The following INPP4A variants were observed in gnomAD, a reference collection of about 807,000 sequenced individuals.
INPP4A encodes the protein inositol polyphosphate-4-phosphatase, type I, 107kD.
In INPP4A, 33 loss-of-function variants were observed where a neutral mutation model predicts 119.8. The ratio of observed to expected loss-of-function variants is 0.28; its 90% CI spans 0.21 to 0.37. The LOEUF (loss-of-function observed/expected upper bound fraction) is 0.37, where lower values mean the gene tolerates loss of function less well. INPP4A is among the 10% of genes least tolerant of loss of function. The pLI is 1.00. For missense variants in INPP4A, 956 were observed against 1,289.9 expected (o/e 0.74, Z 3.97); for synonymous variants, 496 against 500.7 (o/e 0.99, Z 0.12).
intron 23 of INPP4A, among the ~76,000 whole-genome samples, chr2:98,573,136 T>G (rs1306547676): frequency 6.6e-6 from 1 of 152,156 alleles, no homozygotes; most frequent in Non-Finnish European, 1.5e-5. Flanking sequence ...CTGATAAGCT[T>G]AACACAGTCC....
At chr2:98,462,853 T>C (rs1160749241) in intron 1 of INPP4A, among the ~76,000 whole-genome samples, 1 of 152,138 alleles carries the variant, frequency 6.6e-6, no homozygotes, top group Non-Finnish European at 1.5e-5. Context: ...TATTTATTTT[T>C]AATTTTTAAT....
At chr2:98,583,292 G>A (rs1425891802) in intron 24 of INPP4A, among the ~76,000 whole-genome samples, 1 of 151,510 alleles carries the variant, frequency 6.6e-6, no homozygotes, top group Admixed American at 6.6e-5. Context: ...AATCAAATAT[G>A]ATTGATAATG....
intron 24 of INPP4A, among the ~76,000 whole-genome samples, chr2:98,578,807 C>T (rs531394930): frequency 2.0e-5 from 3 of 152,300 alleles, no homozygotes; most frequent in Non-Finnish European, 4.4e-5. Context: ...TCCTCAGAAC[C>T]CTCCCACAAA....
rs752859548 is a variant in INPP4A, at chr2:98,563,615, G to A, written c.2006G>A (p.Arg669His). Residue 669 changes from arginine (R) to histidine (H), a missense_variant, in exon 18 of 25, where the codon CGT becomes CAT. Physicochemically the swap from Arg to His is conservative, Grantham distance 29 (BLOSUM62 0). Coordinates refer to ENST00000409851, the MANE Select transcript of INPP4A (RefSeq NM_001134225.2). ...ACCTACCTGAGCCTGCAGTACCGCC[G>A]TGACGTGGTCTTCTGCCAGACGGTA... ...IATYLSLQYR[R>H]DVVFCQTLTA... The A allele has an allele frequency of 1.7e-5, 28 of 1,612,848 alleles. No homozygotes were observed. Among genetic ancestry groups the A allele is most frequent in the African/African-American group, 4.0e-5 (3 of 74,908 alleles).
rs115761355 is a variant in INPP4A at position 98,569,304 on chromosome 2, G to C, written c.2518+636G>C. On this transcript the variant is annotated intron_variant, in intron 22 of 24. Coordinates refer to ENST00000409851, the MANE Select transcript of INPP4A (RefSeq NM_001134225.2). This position sits in a 1 kb window ranked among gnomAD's most constrained non-coding sequence, Gnocchi z 5.1. The stretch of plus-strand genomic sequence containing the variant: ...CTGTGTGTAAAGTGCTAGAGGATCC[G>C]ATGGCGAATGAGGGGTGGACCCTAC... 1 of 152,336 alleles carries C rather than the reference G, an allele frequency of 6.6e-6. No individual in the cohort carries two copies. Among genetic ancestry groups the C allele is most frequent in the Non-Finnish European group, 1.5e-5 (1 of 68,136 alleles). 9.4% of individuals were successfully genotyped at this position (152,336 alleles called of 1,614,324 possible).
intron 1 of INPP4A, among the ~76,000 whole-genome samples, chr2:98,474,306 C>T (rs1676762014): frequency 6.6e-6 from 1 of 152,148 alleles, no homozygotes; most frequent in Non-Finnish European, 1.5e-5. Context: ...CTTGGTGAGG[C>T]CCAAGAGTGG....
chr2:98,566,761 GTGTGCCTGTGTGCGCACA>G lies in INPP4A; in HGVS notation c.2420+597_2420+614del, dbSNP rs1322306194. ...GAGTTGTGTGTGCCTGTGTGTGCAC[GTGTGCCTGTGTGCGCACA>G]TGTGTGTGAGGAGATAGGGTAGATT... On this transcript the variant is annotated intron_variant, in intron 21 of 24. Transcript: ENST00000409851. The surrounding 1 kb of genome is among the most constrained non-coding windows in gnomAD (Gnocchi z 4.2). Among the ~76,000 whole-genome samples, 1 of 152,094 alleles carries G rather than the reference GTGTGCCTGTGTGCGCACA, an allele frequency of 6.6e-6. No individual in the cohort carries two copies. The highest frequency in any genetic ancestry group is 1.5e-5 in the Non-Finnish European group (1 of 68,010).
intron 1 of INPP4A, among the ~76,000 whole-genome samples, chr2:98,464,969 G>A (rs992756993): frequency 2.0e-5 from 3 of 152,218 alleles, no homozygotes; most frequent in Non-Finnish European, 4.4e-5. Flanking sequence ...CACAGCTTTT[G>A]AGGATGGGTT....
chr2:98,503,273 A>G (rs1478190013), intron 1 of INPP4A, among the ~76,000 whole-genome samples: 1 of 152,168 alleles, frequency 6.6e-6, no homozygotes, highest in Non-Finnish European at 1.5e-5. Context: ...GATTGGTTTG[A>G]ACAATTGAGA....
chr2:98,553,009 C>T (rs1343040386), intron 14 of INPP4A, 40 bp downstream of exon 14: 2 of 1,538,118 alleles, frequency 1.3e-6, no homozygotes, highest in South Asian at 1.2e-5. Flanking sequence ...TGGGGAGTTT[C>T]CTTGGGTTTC....
intron 1 of INPP4A, among the ~76,000 whole-genome samples, chr2:98,477,302 C>G (rs1307650621): frequency 6.6e-6 from 1 of 152,242 alleles, no homozygotes; most frequent in Non-Finnish European, 1.5e-5. Flanking sequence ...TCTCCCTGAG[C>G]TGCCTGCTTC....
intron 1 of INPP4A, among the ~76,000 whole-genome samples, chr2:98,459,634 G>A (rs17032010): frequency 0.015 from 2,356 of 152,294 alleles, 70 homozygotes; most frequent in African/African-American, 0.054. Flanking sequence ...CACACCCTGC[G>A]AACATCATGG....
At chr2:98,460,148 A>G (rs911979454) in intron 1 of INPP4A, among the ~76,000 whole-genome samples, 6 of 148,074 alleles carry the variant, frequency 4.1e-5, no homozygotes, top group South Asian at 2.1e-4. Context: ...TAAAATTAAA[A>G]GTAAAAATTT....
chr2:98,488,898 C>G (rs1422801834), intron 1 of INPP4A, among the ~76,000 whole-genome samples: 1 of 150,248 alleles, frequency 6.7e-6, no homozygotes, highest in Admixed American at 6.6e-5. Flanking sequence ...CACAATGCAA[C>G]CTAAGGACTT....
rs1686867908 is a variant in INPP4A at position 98,519,930 on chromosome 2, G to A, written c.-103-16G>A. 1 of 738,054 alleles carries A rather than the reference G, an allele frequency of 1.4e-6. No homozygotes were observed. Among genetic ancestry groups the A allele is most frequent in the Admixed American group, 2.2e-5 (1 of 46,326 alleles). The allele number at this position is 738,054 out of a possible 1,614,324, so 45.7% of individuals were successfully genotyped here. A position where few individuals can be genotyped will look rare whatever the true frequency, so the allele number is the denominator to read the frequency against. On this transcript the variant is annotated splice_polypyrimidine_tract_variant and intron_variant, in intron 2 of 24. Coordinates refer to ENST00000409851, the MANE Select transcript of INPP4A (RefSeq NM_001134225.2). ...TCACCGTCCCCATGGTTTCTTACAA[G>A]TGCTCCTTTTCTCAGGGCTACTGCC...
At chr2:98,454,268 A>G (rs1203393047) in intron 1 of INPP4A, among the ~76,000 whole-genome samples, 1 of 152,218 alleles carries the variant, frequency 6.6e-6, no homozygotes, top group Non-Finnish European at 1.5e-5. Context: ...GTGCCTTAAC[A>G]CTGTCAGGAC....
chr2:98,463,699 CG>C (rs1475850987), intron 1 of INPP4A, among the ~76,000 whole-genome samples: 1 of 152,232 alleles, frequency 6.6e-6, no homozygotes, highest in Non-Finnish European at 1.5e-5. Flanking sequence ...TAGCCACCTG[CG>C]GAGGGCTCAC....
At chr2:98,472,108 G>A (rs145587975) in intron 1 of INPP4A, among the ~76,000 whole-genome samples, 7 of 152,264 alleles carry the variant, frequency 4.6e-5, no homozygotes, top group Non-Finnish European at 8.8e-5. Flanking sequence ...CCATTTTCTC[G>A]TTCTCTCCTG....
chr2:98,537,021 A>G (rs1315624714), intron 7 of INPP4A, among the ~76,000 whole-genome samples: 1 of 152,218 alleles, frequency 6.6e-6, no homozygotes, highest in Admixed American at 6.5e-5. Context: ...TAGTTACGTC[A>G]TGTGTCAGAG....
Sources: gnomAD v4.1 joint callset for allele counts (sites outside exome capture counted in the v4.1 genomes callset) on GRCh38, gnomAD v4.1.1 for gene constraint, Gnocchi (gnomAD v3.1) non-coding constraint, MANE v1.5 for transcripts, NCBI Gene and HGNC (gene_info 2026-07-23, HGNC 2026-07-21) for gene names.